Variants in DOCK8 observed in about 807,000 individuals in gnomAD.
DOCK8 encodes dedicator of cytokinesis 8.
In DOCK8, 141 loss-of-function variants were observed where a neutral mutation model predicts 245.6. That is an observed-to-expected ratio of 0.57 (90% CI 0.50 to 0.66). DOCK8 has a LOEUF of 0.66. Ranked by LOEUF, DOCK8 falls within the 30% of genes least tolerant of loss-of-function variation. The pLI, the probability that DOCK8 is intolerant of heterozygous loss-of-function variation, is 0.00. For synonymous variants in DOCK8, 1,168 were observed against 970.2 expected, an observed-to-expected ratio of 1.20 and a Z score of -3.79; for missense variants, 2,965 against 2,603.4, an observed-to-expected ratio of 1.14 and a Z score of -3.02.
At chr9:213,216 G>C (rs1419789197), upstream of DOCK8, 1 of 152,126 alleles carries the variant, frequency 6.6e-6, no homozygotes, top group African/African-American at 2.4e-5. Flanking sequence ...CTGATATTTG[G>C]TGGGCATTGG....
intron 23 of DOCK8, 24 bp downstream of exon 23, chr9:386,450 T>G (rs2053957937): frequency 6.3e-7 from 1 of 1,598,974 alleles, no homozygotes; most frequent in Non-Finnish European, 8.6e-7. Flanking sequence ...CAATGTGAGG[T>G]TCATCCCAGG....
At chr9:235,746 G>T (rs185677567) in intron 1 of DOCK8, among the ~76,000 whole-genome samples, 1 of 152,256 alleles carries the variant, frequency 6.6e-6, no homozygotes, top group African/African-American at 2.4e-5. Flanking sequence ...TTTTAAGCCC[G>T]TTGGAAAAGC....
chr9:316,774 A>G (rs2050366320), intron 6 of DOCK8, among the ~76,000 whole-genome samples: 1 of 152,190 alleles, frequency 6.6e-6, no homozygotes, highest in Non-Finnish European at 1.5e-5. Context: ...ACTAAGCCAT[A>G]TCCATGTTCA....
chr9:429,151 G>C (rs1465335143), intron 35 of DOCK8, among the ~76,000 whole-genome samples: 1 of 152,138 alleles, frequency 6.6e-6, no homozygotes, highest in Non-Finnish European at 1.5e-5. Flanking sequence ...ATTATTAGTA[G>C]AGACAGGGTT....
chr9:338,141 G>A (rs1355995392), intron 12 of DOCK8, among the ~76,000 whole-genome samples: 2 of 150,404 alleles, frequency 1.3e-5, no homozygotes, highest in Non-Finnish European at 2.9e-5. Flanking sequence ...GTGACAGAGT[G>A]AGGCTCCATC....
intron 42 of DOCK8, among the ~76,000 whole-genome samples, chr9:442,337 TTATA>T (rs1398352757): frequency 6.6e-6 from 1 of 152,240 alleles, no homozygotes; most frequent in Non-Finnish European, 1.5e-5. Context: ...TATTAGTAGT[TTATA>T]CTAGTAGATA....
chr9:228,677 G>A (rs2131364548), intron 1 of DOCK8, among the ~76,000 whole-genome samples: 1 of 152,222 alleles, frequency 6.6e-6, no homozygotes, highest in East Asian at 1.9e-4. Flanking sequence ...TATCCAGTTT[G>A]TGGTAGTTTG....
chr9:340,508 C>T (rs757036399), intron 14 of DOCK8, 187 bp downstream of exon 14: 8 of 683,164 alleles, frequency 1.2e-5, no homozygotes, highest in Non-Finnish European at 1.9e-5. Flanking sequence ...GTAATCCCAG[C>T]AACTTGGCAG....
chr9:217,112 A>G (rs1022975564), intron 1 of DOCK8, among the ~76,000 whole-genome samples: 4 of 152,224 alleles, frequency 2.6e-5, no homozygotes, highest in Admixed American at 2.6e-4. Flanking sequence ...ATTGGAATTT[A>G]GAGACAGTAC....
chr9:276,958 CATTGCGCCTGGCTA>C (rs1387184232), intron 2 of DOCK8: 2 of 340,126 alleles, frequency 5.9e-6, no homozygotes, highest in Non-Finnish European at 6.1e-6. Context: ...ACAGGCGCAC[CATTGCGCCTGGCTA>C]ATTTTTGTAT....
At chr9:437,543 C>T (rs953336068) in intron 39 of DOCK8, among the ~76,000 whole-genome samples, 5 of 152,180 alleles carry the variant, frequency 3.3e-5, no homozygotes, top group Non-Finnish European at 7.3e-5. Context: ...ATTTCTTCCC[C>T]TAAATCAGGA....
intron 5 of DOCK8, among the ~76,000 whole-genome samples, chr9:308,004 G>A (rs1432423914): frequency 6.6e-6 from 1 of 152,198 alleles, no homozygotes; most frequent in East Asian, 1.9e-4. Flanking sequence ...AGATAAATAA[G>A]TTGATCTCAT....
chr9:266,924 C>T (rs2048046798), intron 1 of DOCK8, among the ~76,000 whole-genome samples: 1 of 152,134 alleles, frequency 6.6e-6, no homozygotes. Context: ...GTCTAAGAAT[C>T]AAATGTAGAG....
intron 22 of DOCK8, among the ~76,000 whole-genome samples, chr9:384,823 G>A (rs1384455453): frequency 6.6e-6 from 1 of 152,216 alleles, no homozygotes; most frequent in Non-Finnish European, 1.5e-5. Flanking sequence ...GGCTGAGGCA[G>A]GAGAATGGCG....
At chr9:405,315 A>G (rs911167051) in intron 27 of DOCK8, among the ~76,000 whole-genome samples, 18 of 152,226 alleles carry the variant, frequency 1.2e-4, no homozygotes, top group African/African-American at 3.6e-4. Flanking sequence ...CAAGAATCCA[A>G]TAAGCCCTAT....
intron 26 of DOCK8, among the ~76,000 whole-genome samples, chr9:400,802 T>A (rs1344437613): frequency 3.0e-4 from 11 of 36,658 alleles, no homozygotes; most frequent in Admixed American, 9.6e-4. Context: ...CACCACCACC[T>A]CCACCATCAC....
At chr9:225,043 C>T (rs1051024002) in intron 1 of DOCK8, among the ~76,000 whole-genome samples, 1 of 152,178 alleles carries the variant, frequency 6.6e-6, no homozygotes, top group Admixed American at 6.5e-5. Flanking sequence ...ACCTCCTGTA[C>T]CTTATTCTCT....
chr9:285,585 A>C (rs1043377512), intron 2 of DOCK8, among the ~76,000 whole-genome samples: 2 of 152,172 alleles, frequency 1.3e-5, no homozygotes, highest in African/African-American at 2.4e-5. Flanking sequence ...TTACTTTCTT[A>C]GGGTGGTCAT....
intron 14 of DOCK8, among the ~76,000 whole-genome samples, chr9:363,002 C>T (rs182016414): frequency 2.2e-4 from 33 of 152,288 alleles, no homozygotes; most frequent in African/African-American, 7.7e-4. Context: ...CACAAGTTAA[C>T]CCCCAGAGCT....
Sources: gnomAD v4.1 joint callset for allele counts (sites outside exome capture counted in the v4.1 genomes callset) on GRCh38, gnomAD v4.1.1 for gene constraint, MANE v1.5 for transcripts, NCBI Gene and HGNC (gene_info 2026-07-23, HGNC 2026-07-21) for gene names.